NEB: variants seen among roughly 807,000 people sequenced by gnomAD.
NEB encodes nemaline myopathy type 2.
NEB carries 512 observed loss-of-function variants against 952.2 expected under a neutral mutation model. The ratio of observed to expected loss-of-function variants is 0.54; its 90% confidence interval spans 0.50 to 0.58. The LOEUF is 0.58. NEB is among the 20% of genes least tolerant of loss of function. The pLI is 0.00. For missense variants in NEB, 8,428 were observed against 9,231.1 expected, an observed-to-expected ratio of 0.91 and a Z score of 3.56; for synonymous variants, 2,900 against 3,149.8, an observed-to-expected ratio of 0.92 and a Z score of 2.66.
intron 124 of NEB, among the ~76,000 whole-genome samples, 176 bp downstream of exon 124, chr2:151,560,415 AG>A (rs1185576468): frequency 1.3e-5 from 2 of 152,212 alleles, no homozygotes; most frequent in East Asian, 3.8e-4. Context: ...AGAGAGAGAC[AG>A]GCAGTGAGCA....
At chr2:151,614,152 G>A (rs557825157) in intron 77 of NEB, 124 bp downstream of exon 77, 67 of 1,094,486 alleles carry the variant, frequency 6.1e-5, no homozygotes, top group Non-Finnish European at 8.3e-5. Flanking sequence ...TTTATTTTGT[G>A]CATTTCAGAA....
Position 151,609,978 on chromosome 2 carries a change from CA to C in NEB, c.12160del (p.Trp4054GlyfsTer12), listed in dbSNP as rs1319778592. ...EREYKKEFQK[W>X]KTKFSSPVDM... ...CACTGGGCTAGAGAACTTGGTTTTC[CA>C]CTTTTGGAATTCCTTCTTGTACTCC... On this transcript the variant is annotated frameshift_variant, in exon 81 of 182. Transcript: ENST00000397345. LOFTEE classifies it high-confidence loss of function. 8.1e-6 allele frequency: 13 copies of C among 1,613,912 alleles called. No individual in the cohort carries two copies. Among genetic ancestry groups the C allele is most frequent in the African/African-American group, 1.3e-5 (1 of 75,042 alleles).
intron 70 of NEB, among the ~76,000 whole-genome samples, chr2:151,626,782 C>A (rs1416697539): frequency 6.6e-6 from 1 of 152,116 alleles, no homozygotes; most frequent in Non-Finnish European, 1.5e-5. Flanking sequence ...CCTTGGCCTC[C>A]CAAAGAGCTG....
At chr2:151,575,471 A>T (rs2096795181) in intron 107 of NEB, among the ~76,000 whole-genome samples, 1 of 152,188 alleles carries the variant, frequency 6.6e-6, no homozygotes, top group Non-Finnish European at 1.5e-5. Flanking sequence ...ACAACTAAAG[A>T]GACTTTTGTT....
At position 151,627,099 on chromosome 2, in the gene NEB, T is replaced by C; in HGVS notation, c.10250A>G (p.Asn3417Ser). 6.2e-7 allele frequency: 1 copy of C among 1,613,922 alleles called. No individual in the cohort carries two copies. Among genetic ancestry groups the C allele is most frequent in the East Asian group, 2.2e-5 (1 of 44,866 alleles). Residue 3417 changes from asparagine to serine, a missense_variant, in exon 70 of 182, where the codon AAC becomes AGC. Around this residue, in one of 11 missense-constraint regions of NEB, gnomAD observed 1,772 missense variants for 1,960.3 expected, o/e 0.90. Transcript: ENST00000397345. ...CKRAAEILSD[N>S]IYRQPPDKLK... ...CTTGTCCGGAGGCTGGCGGTAGATG[T>C]TATCACTCAGTATTTCAGCAGCTCT...
intron 157 of NEB, among the ~76,000 whole-genome samples, chr2:151,515,180 G>A (rs889007287): frequency 2.6e-5 from 4 of 152,142 alleles, no homozygotes; most frequent in African/African-American, 4.8e-5. Flanking sequence ...TGTGACTGGG[G>A]CAGGCCCTTC....
At position 151,533,540 on chromosome 2, in the gene NEB, A is replaced by G; in HGVS notation, c.21319T>C (p.Tyr7107His). The change falls in exon 143 of 182, where the codon TAT (tyrosine) becomes CAT (histidine). Residue 7107 changes from tyrosine (Y) to histidine (H), a missense_variant. Around this residue, in one of 11 missense-constraint regions of NEB, gnomAD observed 3,374 missense variants for 3,651.5 expected, o/e 0.92. Coordinates refer to ENST00000397345, the MANE Select transcript of NEB (RefSeq NM_001164508.2). ...AGAAACATCTTGGCACTAGATTTAT[A>G]TTTTCTCTGTCCATGCAAAGAGCAG... Reference protein sequence around the residue: ...YATQLMNERKYKSSAKMFLQH... With the variant: ...YATQLMNERKHKSSAKMFLQH... The G allele has an allele frequency of 1.9e-6, 3 of 1,546,812 alleles. No homozygotes were observed. The highest frequency in any genetic ancestry group is 2.5e-5 in the East Asian group (1 of 40,680).
rs1286822636 is a variant in NEB at position 151,621,014 on chromosome 2, G to A, written c.10465C>T (p.Gln3489Ter). 2 of 1,608,172 alleles carry A rather than the reference G, an allele frequency of 1.2e-6. No individual in the cohort carries two copies. The highest frequency in any genetic ancestry group is 2.7e-5 in the African/African-American group (2 of 74,878). ...TCTTTCTTGGCTTCTTCCATGGCCT[G>A]ACGATAGAGGCTCTGAGGAAAGAAG... ...KINYSESLYR[Q>*]AMEEAKKEGY... is the part of the protein sequence containing the mutation. Residue 3489 changes from glutamine to a stop codon, truncating the protein, a stop_gained, in exon 72 of 182, where the codon CAG becomes TAG. Transcript: ENST00000397345. LOFTEE classifies it high-confidence loss of function.
intron 110 of NEB, 32 bp downstream of exon 110, chr2:151,569,236 G>A: frequency 6.4e-7 from 1 of 1,555,948 alleles, no homozygotes; most frequent in South Asian, 1.1e-5. Flanking sequence ...CTTGGGAAAT[G>A]TACTGAATGT....
intron 51 of NEB, 76 bp downstream of exon 51, chr2:151,655,194 G>T: frequency 3.5e-6 from 3 of 857,522 alleles, no homozygotes; most frequent in African/African-American, 1.7e-5. Context: ...ATTTATATCA[G>T]TATTTACTGT....
intron 110 of NEB, among the ~76,000 whole-genome samples, 169 bp downstream of exon 110, chr2:151,569,099 T>C (rs374345951): frequency 6.6e-6 from 1 of 152,294 alleles, no homozygotes; most frequent in Admixed American, 6.5e-5. Flanking sequence ...ATGGATGTGG[T>C]CCCATAATGT....
At chr2:151,696,840 T>A (rs1196403270) in intron 16 of NEB, 105 bp from the exon 17 acceptor site, 1 of 770,308 alleles carries the variant, frequency 1.3e-6, no homozygotes. Context: ...GCAATGAAAC[T>A]TGTAGTTAAT....
chr2:151,623,984 A>C (rs2098468652), intron 71 of NEB, among the ~76,000 whole-genome samples: 1 of 152,168 alleles, frequency 6.6e-6, no homozygotes, highest in African/African-American at 2.4e-5. Context: ...TTGTTACTTA[A>C]GAAAACTAAA....
At chr2:151,680,873 G>A (rs1404898118) in intron 29 of NEB, 45 bp from the exon 30 acceptor site, 1 of 1,392,686 alleles carries the variant, frequency 7.2e-7, no homozygotes, top group Non-Finnish European at 1.0e-6. Flanking sequence ...GTTTTCCACT[G>A]AAGATTAATA....
At chr2:151,545,208 G>A (rs1232596856) in intron 135 of NEB, among the ~76,000 whole-genome samples, 2 of 152,228 alleles carry the variant, frequency 1.3e-5, no homozygotes, top group Non-Finnish European at 2.9e-5. Context: ...CATGCTCGGG[G>A]CTCCTGATAG....
chr2:151,720,154 A>C (rs1206398448), intron 9 of NEB, among the ~76,000 whole-genome samples: 5 of 152,170 alleles, frequency 3.3e-5, no homozygotes, highest in Non-Finnish European at 5.9e-5. Context: ...AAAAAAGTTC[A>C]GTATTCTGCA....
chr2:151,679,672 A>ACCCCC, intron 32 of NEB, 49 bp downstream of exon 32: 2 of 335,292 alleles, frequency 6.0e-6, no homozygotes, highest in Non-Finnish European at 6.0e-6. Flanking sequence ...CCCCAAGCCC[A>ACCCCC]CCCACCCACA....
intron 13 of NEB, among the ~76,000 whole-genome samples, chr2:151,704,546 A>G (rs375313248): frequency 3.3e-4 from 49 of 148,432 alleles, no homozygotes; most frequent in Non-Finnish European, 6.0e-4. Context: ...AGCCAGGTGC[A>G]GGATATAATC....
chr2:151,606,091 A>T (rs555774189), intron 84 of NEB, among the ~76,000 whole-genome samples: 1,004 of 81,986 alleles, frequency 0.012, 33 homozygotes, highest in African/African-American at 0.028. Context: ...AAGTGCTGGG[A>T]TTACAGGGGT....
Sources: gnomAD v4.1 joint callset for allele counts (sites outside exome capture counted in the v4.1 genomes callset) on GRCh38, gnomAD v4.1.1 for gene constraint, gnomAD v4.1.1 regional missense constraint, MANE v1.5 for transcripts, NCBI Gene and HGNC (gene_info 2026-07-23, HGNC 2026-07-21) for gene names.